VCAN: variants seen among roughly 807,000 people sequenced by gnomAD.
VCAN encodes versican.
A neutral mutation model predicts 245.5 loss-of-function variants in VCAN; 44 were observed. That is an observed-to-expected ratio of 0.18 (90% CI 0.14 to 0.23). The LOEUF is 0.23. VCAN is among the 10% of genes least tolerant of loss of function. The pLI is 1.00. For missense variants in VCAN, 3,793 were observed against 4,057.9 expected, an observed-to-expected ratio of 0.93 and a Z score of 1.77; for synonymous variants, 1,413 against 1,437.0, an observed-to-expected ratio of 0.98 and a Z score of 0.38.
In VCAN at chr5:83,580,433, G is replaced by A. The variant is rs1580086962; in HGVS notation, c.10190G>A (p.Ter3397=). 3 of 1,613,612 alleles carry A rather than the reference G, an allele frequency of 1.9e-6. No individual in the cohort carries two copies. The highest frequency in any genetic ancestry group is 2.5e-6 in the Non-Finnish European group (3 of 1,179,854). ...CGGAGGTGGCAGGAGTCGAGGCGCT[G>A]ATCCCTAAAATGGCGAACATGTGTT... is the stretch of plus-strand genomic sequence containing the variant. The part of the protein sequence containing the change: ...WSRRWQESRR[*] Residue 3397 remains the stop codon, a stop_retained_variant, in exon 15 of 15, where the codon TGA becomes TAA. Coordinates refer to ENST00000265077, the MANE Select transcript of VCAN (RefSeq NM_004385.5).
At chr5:83,544,813 A>G (rs1747144243) in intron 8 of VCAN, among the ~76,000 whole-genome samples, 1 of 152,170 alleles carries the variant, frequency 6.6e-6, no homozygotes, top group African/African-American at 2.4e-5. Context: ...TTCGGCCTTC[A>G]TATTTATCTC....
intron 9 of VCAN, among the ~76,000 whole-genome samples, chr5:83,546,235 CTT>C: frequency 7.0e-6 from 1 of 142,704 alleles, no homozygotes. Context: ...GCATCCTTCT[CTT>C]TAAAGAAAAA....
chr5:83,560,434 T>G (rs1190677625), intron 12 of VCAN, among the ~76,000 whole-genome samples: 1 of 152,156 alleles, frequency 6.6e-6, no homozygotes, highest in Non-Finnish European at 1.5e-5. Flanking sequence ...TTTTTATAGA[T>G]GCTTTGGCTA....
rs547773501 is a variant in VCAN, at chr5:83,474,070, T to G, written c.-7+2047T>G. Reference sequence around the variant, plus strand: ...GCGTCTTTAAGAAAGATAATACACATACCGTGCTCTCAAAACCCATGACCA... The same window carrying G: ...GCGTCTTTAAGAAAGATAATACACAGACCGTGCTCTCAAAACCCATGACCA... On this transcript the variant is annotated intron_variant, in intron 1 of 14. Coordinates refer to ENST00000265077, the MANE Select transcript of VCAN (RefSeq NM_004385.5). Among the ~76,000 whole-genome samples the G allele has an allele frequency of 6.2e-4, 94 of 152,120 alleles. 1 individual carries two copies. Among genetic ancestry groups the G allele is most frequent in the Non-Finnish European group, 1.2e-4 (8 of 68,000 alleles).
intron 13 of VCAN, among the ~76,000 whole-genome samples, chr5:83,577,185 C>G (rs1263573684): frequency 6.6e-6 from 1 of 152,042 alleles, no homozygotes; most frequent in Non-Finnish European, 1.5e-5. Context: ...TGGGGGAGGT[C>G]TTATGATTCA....
Position 83,538,232 on chromosome 5 carries a change from TAC to T in VCAN, c.5233_5234del (p.Gln1745GlufsTer10). On this transcript the variant is annotated frameshift_variant, in exon 8 of 15. Transcript: ENST00000265077. LOFTEE classifies it high-confidence loss of function. ...TASTFEVYSS[T>X]QRSDQLILPF... ...CTTCTACATTTGAGGTATATTCATC[TAC>T]ACAGAGATCGGATCAATTAATTTTA... 6.2e-7 allele frequency: 1 copy of T among 1,613,966 alleles called. No homozygotes were observed. The highest frequency in any genetic ancestry group is 8.5e-7 in the Non-Finnish European group (1 of 1,179,956).
chr5:83,549,940 A>G (rs1747396655), intron 10 of VCAN, among the ~76,000 whole-genome samples: 1 of 152,200 alleles, frequency 6.6e-6, no homozygotes, highest in Non-Finnish European at 1.5e-5. Flanking sequence ...TTTGGTGATG[A>G]CCGTGTCAGT....
At chr5:83,552,002 T>G (rs936276498) in intron 10 of VCAN, among the ~76,000 whole-genome samples, 1 of 152,184 alleles carries the variant, frequency 6.6e-6, no homozygotes, top group African/African-American at 2.4e-5. Context: ...AAGCTTCCAG[T>G]GCACATTACT....
chr5:83,533,064 A>G (rs1746580746), intron 7 of VCAN, among the ~76,000 whole-genome samples: 1 of 152,146 alleles, frequency 6.6e-6, no homozygotes, highest in African/African-American at 2.4e-5. Flanking sequence ...CCTCAAATAC[A>G]CAATAGAGTT....
chr5:83,532,555 AACTGATATT>A (rs1746561601), intron 7 of VCAN, among the ~76,000 whole-genome samples: 1 of 152,004 alleles, frequency 6.6e-6, no homozygotes, highest in African/African-American at 2.4e-5. Context: ...CTCTCCTTCA[AACTGATATT>A]AAGAAATCCA....
chr5:83,540,071 A>G lies in VCAN; in HGVS notation c.7068A>G (p.Gly2356=). Reference sequence around the variant, plus strand: ...CTCTCCCTTTCTCCACGGACATCGGACATCCTCAAAATCAGACTGTCAGGT... The same window carrying G: ...CTCTCCCTTTCTCCACGGACATCGGGCATCCTCAAAATCAGACTGTCAGGT... ...VAPLPFSTDI[G]HPQNQTVRWA... is the part of the protein sequence containing the mutation. Residue 2356 remains glycine, a synonymous_variant, in exon 8 of 15, where the codon GGA becomes GGG. Transcript: ENST00000265077. 1 of 1,614,070 alleles carries G rather than the reference A, an allele frequency of 6.2e-7. No individual in the cohort carries two copies. The highest frequency in any genetic ancestry group is 8.5e-7 in the Non-Finnish European group (1 of 1,179,984).
In VCAN at chr5:83,541,239, A is replaced by G; in HGVS notation, c.8236A>G (p.Arg2746Gly). The G allele has an allele frequency of 1.2e-6, 2 of 1,613,954 alleles. No individual in the cohort carries two copies. The highest frequency in any genetic ancestry group is 8.5e-7 in the Non-Finnish European group (1 of 1,180,000). Residue 2746 changes from arginine to glycine, a missense_variant, in exon 8 of 15, where the codon AGG becomes GGG. Arg to Gly is a moderately radical substitution (Grantham distance 125). This residue lies in a region of VCAN where 3,182 missense variants were observed against 3,250.3 expected (regional missense o/e 0.98). Transcript: ENST00000265077. Reference sequence around the variant, plus strand: ...AATACCAACATTGGGCCAATTTGAAAGGACTCAGGAGGAGTATGAAGACAA... The same window carrying G: ...AATACCAACATTGGGCCAATTTGAAGGGACTCAGGAGGAGTATGAAGACAA... Reference protein sequence around the residue: ...EIIPTLGQFERTQEEYEDKKH... With the variant: ...EIIPTLGQFEGTQEEYEDKKH...
chr5:83,566,629 A>G (rs1267225914), intron 12 of VCAN, among the ~76,000 whole-genome samples: 1 of 152,110 alleles, frequency 6.6e-6, no homozygotes, highest in Non-Finnish European at 1.5e-5. Context: ...GAGACTTTGC[A>G]AAGAACTGGG....
chr5:83,557,292 T>C (rs1200957848), intron 12 of VCAN, among the ~76,000 whole-genome samples: 3 of 152,160 alleles, frequency 2.0e-5, no homozygotes, highest in Non-Finnish European at 2.9e-5. Context: ...TTAGCATGTA[T>C]GTGTGTTACT....
chr5:83,554,282 C>T (rs953805081), intron 11 of VCAN, among the ~76,000 whole-genome samples: 7 of 152,326 alleles, frequency 4.6e-5, no homozygotes, highest in South Asian at 4.1e-4. Context: ...GGATCATAGG[C>T]GTGAGCCACC....
intron 5 of VCAN, among the ~76,000 whole-genome samples, chr5:83,504,953 C>T (rs776067014): frequency 1.6e-4 from 24 of 152,088 alleles, no homozygotes; most frequent in Admixed American, 3.3e-4. Flanking sequence ...GAAGCAAAAG[C>T]AGAAACCCCT....
At position 83,519,893 on chromosome 5, in the gene VCAN, C is replaced by T; in HGVS notation, c.1587C>T (p.Ser529=). 6.2e-7 allele frequency: 1 copy of T among 1,613,958 alleles called. No individual in the cohort carries two copies. The highest frequency in any genetic ancestry group is 8.5e-7 in the Non-Finnish European group (1 of 1,179,930). Residue 529 remains serine (S), a synonymous_variant, in exon 7 of 15, where the codon TCC becomes TCT. Coordinates refer to ENST00000265077, the MANE Select transcript of VCAN (RefSeq NM_004385.5). ...PLVTARMILE[S]KTEKKMVSTV... ...TAACTGCAAGAATGATCCTGGAATCCAAAACTGAAAAGAAAATGGTAAGCA... is the reference window on the plus strand; with the variant it reads ...TAACTGCAAGAATGATCCTGGAATCTAAAACTGAAAAGAAAATGGTAAGCA...
intron 5 of VCAN, among the ~76,000 whole-genome samples, chr5:83,507,472 A>G (rs1388685497): frequency 6.6e-6 from 1 of 152,246 alleles, no homozygotes. Flanking sequence ...ATCAGAGATA[A>G]AAAGGTGGCT....
intron 7 of VCAN, among the ~76,000 whole-genome samples, chr5:83,526,318 C>G (rs1205417355): frequency 6.6e-6 from 1 of 152,124 alleles, no homozygotes; most frequent in African/African-American, 2.4e-5. Flanking sequence ...TCTGTTCTTA[C>G]AGAATTTTAA....
Sources: gnomAD v4.1 joint callset for allele counts (sites outside exome capture counted in the v4.1 genomes callset) on GRCh38, gnomAD v4.1.1 for gene constraint, gnomAD v4.1.1 regional missense constraint, MANE v1.5 for transcripts, NCBI Gene and HGNC (gene_info 2026-07-23, HGNC 2026-07-21) for gene names.